The following ADAMTS16 variants were observed in gnomAD, a reference collection of about 807,000 sequenced individuals.
The protein encoded by ADAMTS16 is A disintegrin and metalloproteinase with thrombospondin motifs 16.
ADAMTS16 carries 94 observed loss-of-function variants against 145.8 expected under a neutral mutation model. That is an observed-to-expected ratio of 0.64 (90% CI 0.55 to 0.77). ADAMTS16 has a LOEUF of 0.77. Ranked by LOEUF, ADAMTS16 falls within the 30% of genes least tolerant of loss-of-function variation. The probability of loss-of-function intolerance (pLI) is 0.00; values close to 1 mark genes in which losing one functional copy is unlikely to be tolerated. For missense variants in ADAMTS16, 1,585 were observed against 1,591.5 expected (o/e 1.00, Z 0.07); for synonymous variants, 659 against 604.3 (o/e 1.09, Z -1.33).
At chr5:5,281,738 G>C (rs1298677399) in intron 18 of ADAMTS16, among the ~76,000 whole-genome samples, 1 of 152,210 alleles carries the variant, frequency 6.6e-6, no homozygotes, top group Non-Finnish European at 1.5e-5. Context: ...CCAGGGACAT[G>C]CTTAATCCAC....
chr5:5,289,784 G>A (rs1739231957), intron 18 of ADAMTS16, among the ~76,000 whole-genome samples: 1 of 151,254 alleles, frequency 6.6e-6, no homozygotes, highest in Non-Finnish European at 1.5e-5. Flanking sequence ...CAGCAGGGAT[G>A]AGTCCTCACA....
At chr5:5,256,066 A>C (rs1737770573) in intron 17 of ADAMTS16, among the ~76,000 whole-genome samples, 1 of 152,132 alleles carries the variant, frequency 6.6e-6, no homozygotes, top group African/African-American at 2.4e-5. Flanking sequence ...TATTTCTGTT[A>C]ATTGCTAAAA....
At chr5:5,283,476 C>T (rs1306623992) in intron 18 of ADAMTS16, among the ~76,000 whole-genome samples, 3 of 151,904 alleles carry the variant, frequency 2.0e-5, no homozygotes, top group Non-Finnish European at 4.4e-5. Flanking sequence ...CCCCCCACCT[C>T]CCCCCCAGAA....
rs76685766 is a variant in ADAMTS16, at chr5:5,253,090, C to T, written c.2663-9567C>T. 8.8e-3 allele frequency among the ~76,000 whole-genome samples: 1,345 copies of T among 152,280 alleles called. 18 individuals are homozygous for T. The highest frequency in any genetic ancestry group is 0.013 in the Admixed American group (205 of 15,288). On this transcript the variant is annotated intron_variant, in intron 17 of 22. Coordinates refer to ENST00000274181, the MANE Select transcript of ADAMTS16 (RefSeq NM_139056.4). ...TCCTACTTCTCTTCTTCCTTCTTTG[C>T]TTTTCAGTGTGAAGCCTGTGAATGC...
intron 18 of ADAMTS16, among the ~76,000 whole-genome samples, chr5:5,285,673 G>C (rs1739077930): frequency 6.6e-6 from 1 of 152,152 alleles, no homozygotes; most frequent in Non-Finnish European, 1.5e-5. Context: ...TTGGACATTG[G>C]ATTAATCAGC....
At chr5:5,296,172 G>T (rs1016237627) in intron 18 of ADAMTS16, among the ~76,000 whole-genome samples, 3 of 152,188 alleles carry the variant, frequency 2.0e-5, no homozygotes, top group African/African-American at 7.2e-5. Context: ...TCTTTGAGAA[G>T]GAACTCAAGC....
chr5:5,192,746 T>C (rs1197800848), intron 8 of ADAMTS16, among the ~76,000 whole-genome samples: 2 of 152,174 alleles, frequency 1.3e-5, no homozygotes, highest in East Asian at 3.9e-4. Flanking sequence ...AATGAACAAT[T>C]TCTAGCAATT....
chr5:5,303,724 C>T lies in ADAMTS16; in HGVS notation c.3144C>T (p.His1048=), dbSNP rs761422490. ...MHEACLLQRC[H]KPKKLQWLVS... ...AAGCCTGTCTGCTTCAGCGCTGCCA[C>T]AAGCCCAAGAAGCTGCAGTGGCTGG... Residue 1048 remains histidine (H), a synonymous_variant, in exon 20 of 23, where the codon CAC becomes CAT. Coordinates refer to ENST00000274181, the MANE Select transcript of ADAMTS16 (RefSeq NM_139056.4). The T allele has an allele frequency of 1.4e-5, 22 of 1,613,452 alleles. No homozygotes were observed. The highest frequency in any genetic ancestry group is 1.1e-4 in the South Asian group (10 of 91,050).
rs568487131 is a variant in ADAMTS16, at chr5:5,205,259, A to T, written c.1452-3834A>T. On this transcript the variant is annotated intron_variant, in intron 9 of 22. Coordinates refer to ENST00000274181, the MANE Select transcript of ADAMTS16 (RefSeq NM_139056.4). ...ACAGAAATTTTTATTTTTTTAATGG[A>T]ATCCAAATTATTAATGTGTCTTTAG... is the stretch of plus-strand genomic sequence containing the variant. Among the ~76,000 whole-genome samples the T allele has an allele frequency of 1.1e-4, 17 of 151,452 alleles. No individual in the cohort carries two copies. The East Asian group carries it at 3.1e-3, about 28-fold the overall frequency.
Position 5,262,872 on chromosome 5 carries a change from G to A in ADAMTS16, c.2789+89G>A, listed in dbSNP as rs998141914. ...CAGCTCCTGATTTCGAGAGAGAAGT[G>A]CTGATTGCCATCATGTCACTCATAA... On this transcript the variant is annotated intron_variant, in intron 18 of 22. Transcript: ENST00000274181. 2.6e-6 allele frequency: 4 copies of A among 1,550,648 alleles called. No individual in the cohort carries two copies. The Admixed American group carries it at 5.4e-5, about 21-fold the overall frequency.
At chr5:5,218,982 C>T (rs973315971) in intron 10 of ADAMTS16, among the ~76,000 whole-genome samples, 2 of 152,122 alleles carry the variant, frequency 1.3e-5, no homozygotes, top group Non-Finnish European at 2.9e-5. Flanking sequence ...CAGGTTTCCA[C>T]GGGCACAGGA....
intron 2 of ADAMTS16, chr5:5,142,117 C>T (rs919102242): frequency 4.0e-5 from 6 of 150,512 alleles, no homozygotes; most frequent in African/African-American, 1.5e-4. Flanking sequence ...TCCAGAGGGA[C>T]TCAGGAGATT....
chr5:5,140,491 G>C lies in ADAMTS16; in HGVS notation c.24G>C (p.Trp8Cys). The C allele has an allele frequency of 6.6e-7, 1 of 1,517,304 alleles. No individual in the cohort carries two copies. The highest frequency in any genetic ancestry group is 1.2e-5 in the South Asian group (1 of 82,184). 94.0% of individuals were successfully genotyped at this position (1,517,304 alleles called of 1,614,324 possible). Residue 8 changes from tryptophan (W) to cysteine (C), a missense_variant, in exon 1 of 23, where the codon TGG becomes TGC. By Grantham distance (215) the Trp-to-Cys change is radical. This residue lies in a region of ADAMTS16 where 453 missense variants were observed against 412.1 expected (regional missense o/e 1.10). Coordinates refer to ENST00000274181, the MANE Select transcript of ADAMTS16 (RefSeq NM_139056.4). MKPRARGWRGLAALWMLL... is the reference protein window; with the variant it reads MKPRARGCRGLAALWMLL... Reference sequence around the variant, plus strand: ...GGATGAAGCCCCGCGCGCGCGGATGGCGGGGCTTGGCGGCGCTGTGGATGC... The same window carrying C: ...GGATGAAGCCCCGCGCGCGCGGATGCCGGGGCTTGGCGGCGCTGTGGATGC...
chr5:5,188,431 G>A (rs1026214169), intron 6 of ADAMTS16, among the ~76,000 whole-genome samples: 24 of 152,134 alleles, frequency 1.6e-4, no homozygotes, highest in Admixed American at 1.2e-3. Context: ...CATAGAGGTG[G>A]TCCCTTCACA....
intron 4 of ADAMTS16, among the ~76,000 whole-genome samples, chr5:5,184,143 A>G (rs1252783920): frequency 6.6e-6 from 1 of 152,142 alleles, no homozygotes; most frequent in Non-Finnish European, 1.5e-5. Flanking sequence ...TGGAGCGTGC[A>G]TCCTCAGGGC....
intron 17 of ADAMTS16, among the ~76,000 whole-genome samples, chr5:5,255,239 T>G (rs1255028236): frequency 6.6e-6 from 1 of 152,202 alleles, no homozygotes; most frequent in Non-Finnish European, 1.5e-5. Flanking sequence ...ATATTCTTCA[T>G]GAAGTCAATG....
intron 18 of ADAMTS16, among the ~76,000 whole-genome samples, chr5:5,273,221 T>C (rs1738547142): frequency 6.6e-6 from 1 of 152,202 alleles, no homozygotes; most frequent in Non-Finnish European, 1.5e-5. Context: ...AGAAGTGCTA[T>C]GGCCCCTCCA....
rs1204760441 is a variant in ADAMTS16 at position 5,317,130 on chromosome 5, G to A, written c.3412-1004G>A. On this transcript the variant is annotated intron_variant, in intron 21 of 22. Transcript: ENST00000274181. The surrounding 1 kb of genome is among the most constrained non-coding windows in gnomAD (Gnocchi z 4.5). The stretch of plus-strand genomic sequence containing the variant: ...CCCCAACCAGCAGTGACAAGGGCTG[G>A]TCCTGGGGACAAGAGTTAGGGAAGT... Among the ~76,000 whole-genome samples the A allele has an allele frequency of 2.6e-5, 4 of 152,206 alleles. No individual in the cohort carries two copies.
At chr5:5,305,533 C>T (rs1740104702) in intron 20 of ADAMTS16, among the ~76,000 whole-genome samples, 3 of 143,218 alleles carry the variant, frequency 2.1e-5, no homozygotes, top group Admixed American at 2.1e-4. Context: ...CTCACACATC[C>T]CACACCATAC....
Sources: allele counts gnomAD v4.1 joint callset (sites outside exome capture counted in the v4.1 genomes callset), GRCh38; gene constraint gnomAD v4.1.1; regional missense constraint gnomAD v4.1.1; non-coding constraint Gnocchi (gnomAD v3.1); transcripts MANE v1.5; gene names NCBI Gene and HGNC (gene_info 2026-07-23, HGNC 2026-07-21).